PCDH11X: variants seen among roughly 807,000 people sequenced by gnomAD.
PCDH11X encodes the protein protocadherin 11 X-linked, also known as protocadherin-11 X-linked.
A neutral mutation model predicts 53.3 loss-of-function variants in PCDH11X; 18 were observed. The ratio of observed to expected loss-of-function variants is 0.34; its 90% CI spans 0.23 to 0.50. PCDH11X has a LOEUF of 0.50. Ranked by LOEUF, PCDH11X falls within the 20% of genes least tolerant of loss-of-function variation. PCDH11X has a pLI of 0.98. For synonymous variants in PCDH11X, 279 were observed against 393.3 expected, an observed-to-expected ratio of 0.71 and a Z score of 3.44; for missense variants, 570 against 1,032.4, an observed-to-expected ratio of 0.55 and a Z score of 6.14.
intron 8 of PCDH11X, among the ~76,000 whole-genome samples, chrX:92,331,249 A>G (rs1259104821): frequency 1.4e-5 from 1 of 70,389 alleles, no homozygotes; most frequent in Non-Finnish European, 2.8e-5. Context: ...TCATGAGCTG[A>G]TTTTTTCTTT....
chrX:91,858,963 C>T, intron 5 of PCDH11X, among the ~76,000 whole-genome samples: 1 of 109,602 alleles, frequency 9.1e-6, no homozygotes, highest in African/African-American at 3.3e-5. Flanking sequence ...TTTACAGCAG[C>T]ACCCCACTCT....
intron 6 of PCDH11X, among the ~76,000 whole-genome samples, chrX:92,052,233 A>G (rs1602761261): frequency 9.0e-6 from 1 of 111,208 alleles, no homozygotes. Context: ...TAGTAGGCAC[A>G]ATATTTTTCA....
chrX:92,396,584 C>T (rs772880680), intron 9 of PCDH11X, among the ~76,000 whole-genome samples: 1 of 104,226 alleles, frequency 9.6e-6, no homozygotes, highest in East Asian at 3.6e-4. Flanking sequence ...TGGCTCATGC[C>T]TGTAATCCCA....
chrX:91,949,590 TG>T (rs1408456620), intron 6 of PCDH11X, among the ~76,000 whole-genome samples: 1 of 110,251 alleles, frequency 9.1e-6, no homozygotes, highest in East Asian at 2.9e-4. Flanking sequence ...ATGCTACTTT[TG>T]TCACCTGGGT....
chrX:92,518,894 C>T (rs2074319774), intron 10 of PCDH11X, among the ~76,000 whole-genome samples: 1 of 107,410 alleles, frequency 9.3e-6, no homozygotes, highest in Admixed American at 1.0e-4. Flanking sequence ...GTAGCTGGGA[C>T]TACAAGTGCC....
chrX:91,847,448 A>G (rs769327843), intron 5 of PCDH11X, among the ~76,000 whole-genome samples: 2 of 111,565 alleles, frequency 1.8e-5, no homozygotes, highest in Admixed American at 9.6e-5. Flanking sequence ...TTAAACAGGG[A>G]CATTAAATTA....
intron 6 of PCDH11X, among the ~76,000 whole-genome samples, chrX:92,164,444 T>C (rs2065696883): frequency 1.8e-5 from 2 of 112,321 alleles, no homozygotes; most frequent in Admixed American, 1.9e-4. Flanking sequence ...TATTTTGTTG[T>C]ATATTGTTTC....
At chrX:92,083,492 T>A (rs2063895873) in intron 6 of PCDH11X, among the ~76,000 whole-genome samples, 1 of 111,846 alleles carries the variant, frequency 8.9e-6, no homozygotes, top group Non-Finnish European at 1.9e-5. Flanking sequence ...TTTCTCTGCA[T>A]TTTTTAGACT....
intron 9 of PCDH11X, among the ~76,000 whole-genome samples, chrX:92,392,412 A>G (rs2071150430): frequency 9.1e-6 from 1 of 110,324 alleles, no homozygotes; most frequent in Admixed American, 9.7e-5. Context: ...CTACTAATTA[A>G]TTCACAACAA....
intron 10 of PCDH11X, among the ~76,000 whole-genome samples, chrX:92,482,747 A>G (rs1193524610): frequency 1.9e-5 from 2 of 108,101 alleles, no homozygotes; most frequent in Non-Finnish European, 3.8e-5. Context: ...TGGTTATAGT[A>G]TCTGTTACTC....
At chrX:92,451,759 T>C (rs1228044236) in intron 9 of PCDH11X, among the ~76,000 whole-genome samples, 1 of 112,050 alleles carries the variant, frequency 8.9e-6, no homozygotes, top group African/African-American at 3.2e-5. Flanking sequence ...TGTAGTTGAC[T>C]GCTTAACAGT....
In PCDH11X at chrX:92,622,814, A is replaced by G. The variant is rs1569511733; in HGVS notation, c.*3874A>G. ...GCTTTTAGTAAATATGATTTTTAAA[A>G]GCAGTTCAAGTTGACAACAGCAGAA... On this transcript the variant is annotated 3_prime_UTR_variant, in exon 11 of 11. Transcript: ENST00000682573. 1.8e-5 allele frequency: 2 copies of G among 109,982 alleles called. No homozygotes were observed. Among genetic ancestry groups the G allele is most frequent in the Middle Eastern group, 4.7e-3 (1 of 215 alleles). 9.1% of individuals were successfully genotyped at this position (109,982 alleles called of 1,213,427 possible).
At chrX:92,221,936 A>G (rs764430077) in intron 7 of PCDH11X, among the ~76,000 whole-genome samples, 3 of 110,503 alleles carry the variant, frequency 2.7e-5, no homozygotes, top group Non-Finnish European at 1.9e-5. Flanking sequence ...TGGGTTCAAG[A>G]TATTTTCCTG....
intron 6 of PCDH11X, among the ~76,000 whole-genome samples, chrX:91,917,442 T>C (rs1361375961): frequency 1.0e-5 from 1 of 95,434 alleles, no homozygotes; most frequent in Non-Finnish European, 2.1e-5. Context: ...ACTCCTAGAT[T>C]TTATAAACGA....
chrX:92,113,780 T>A, intron 6 of PCDH11X: 1 of 1,196,183 alleles, frequency 8.4e-7, no homozygotes, highest in Non-Finnish European at 1.1e-6. Context: ...GGGTCCCTCA[T>A]GAACTTCTTG....
chrX:91,946,558 CATATATAT>C (rs766671132), intron 6 of PCDH11X, among the ~76,000 whole-genome samples: 169 of 31,617 alleles, frequency 5.3e-3, no homozygotes, highest in Middle Eastern at 0.026. Context: ...CTGTTTCCCT[CATATATAT>C]ATATATATAT....
In PCDH11X at chrX:91,937,958, G is replaced by A. The variant is rs1266780162; in HGVS notation, c.3033+58685G>A. On this transcript the variant is annotated intron_variant, in intron 6 of 10. Coordinates refer to ENST00000682573, the MANE Select transcript of PCDH11X (RefSeq NM_032968.5). ...GATATTATGCAATTCTTCTCACATT[G>A]AGAAAATTATCACTAGAATATTTCA... is the stretch of plus-strand genomic sequence containing the variant. 4.5e-5 allele frequency among the ~76,000 whole-genome samples: 5 copies of A among 111,271 alleles called. No individual in the cohort carries two copies. The East Asian group carries it at 1.4e-3, about 32-fold the overall frequency.
chrX:92,178,085 T>C (rs764728697), intron 6 of PCDH11X, among the ~76,000 whole-genome samples: 12 of 110,874 alleles, frequency 1.1e-4, no homozygotes, highest in Non-Finnish European at 2.3e-4. Context: ...CTTTCCTTGG[T>C]TTTAAAGATA....
rs1602583170 is a variant in PCDH11X at position 91,968,199 on chromosome X, T to C, written c.3033+88926T>C. Among the ~76,000 whole-genome samples the C allele has an allele frequency of 2.7e-5, 3 of 112,237 alleles. No homozygotes were observed. The Admixed American group carries it at 2.8e-4, about 11-fold the overall frequency. On this transcript the variant is annotated intron_variant, in intron 6 of 10. Transcript: ENST00000682573. Reference sequence around the variant, plus strand: ...ATTACACAACATAGTAGGTTTTTTTTCTGCAGAGTGGATTTAGGATGAAAG... The same window carrying C: ...ATTACACAACATAGTAGGTTTTTTTCCTGCAGAGTGGATTTAGGATGAAAG...
Sources: gnomAD v4.1 joint callset for allele counts (sites outside exome capture counted in the v4.1 genomes callset) on GRCh38, gnomAD v4.1.1 for gene constraint, MANE v1.5 for transcripts, NCBI Gene and HGNC (gene_info 2026-07-23, HGNC 2026-07-21) for gene names.